Variants in VPS13D observed in about 807,000 individuals in gnomAD.
VPS13D encodes the protein intermembrane lipid transfer protein VPS13D.
Under a neutral mutation model 461.9 loss-of-function variants are expected in VPS13D, and 187 were observed. The observed-to-expected ratio is 0.40, with a 90% CI of 0.36 to 0.46. The LOEUF (loss-of-function observed/expected upper bound fraction) is 0.46. Ranked by LOEUF, VPS13D falls within the 20% of genes least tolerant of loss-of-function variation. The pLI, the probability that VPS13D is intolerant of heterozygous loss-of-function variation, is 0.60. For synonymous variants in VPS13D, 1,951 were observed against 1,986.3 expected, an observed-to-expected ratio of 0.98 and a Z score of 0.47; for missense variants, 4,711 against 5,364.9, an observed-to-expected ratio of 0.88 and a Z score of 3.81.
rs1416523906 is a variant in VPS13D, at chr1:12,345,529, T to G, written c.9021+20T>G. On this transcript the variant is annotated intron_variant, in intron 43 of 69. Coordinates refer to ENST00000620676, the MANE Select transcript of VPS13D (RefSeq NM_015378.4). The stretch of plus-strand genomic sequence containing the variant: ...TCTACGGTGTGTGACATTCAGGAAG[T>G]CAGATGGTTAAGCGACTGTCAGGAA... 3 of 1,599,040 alleles carry G rather than the reference T, an allele frequency of 1.9e-6. No homozygotes were observed. In the African/African-American group the frequency reaches 4.0e-5, roughly 21 times the overall value.
At chr1:12,294,704 C>T (rs976450978) in intron 24 of VPS13D, among the ~76,000 whole-genome samples, 4 of 151,928 alleles carry the variant, frequency 2.6e-5, no homozygotes, top group African/African-American at 7.3e-5. Flanking sequence ...CCCAGCTATT[C>T]GGGAGGCTAA....
At chr1:12,466,939 C>G (rs1159896878) in intron 67 of VPS13D, among the ~76,000 whole-genome samples, 1 of 152,288 alleles carries the variant, frequency 6.6e-6, no homozygotes, top group East Asian at 1.9e-4. Flanking sequence ...GTGACAGTCC[C>G]TTTATCTTCT....
chr1:12,455,975 CT>C, intron 65 of VPS13D, 22 bp from the exon 66 acceptor site: 2 of 1,584,030 alleles, frequency 1.3e-6, no homozygotes, highest in South Asian at 2.3e-5. Flanking sequence ...TAAAACTCTT[CT>C]CCTGCTTTTA....
At chr1:12,410,655 T>TA (rs1304590565) in intron 63 of VPS13D, among the ~76,000 whole-genome samples, 15 of 151,980 alleles carry the variant, frequency 9.9e-5, no homozygotes, top group African/African-American at 3.4e-4. Context: ...ATAATTTTTT[T>TA]AAAAAAATTA....
chr1:12,304,483 A>G (rs1360545225), intron 25 of VPS13D, 23 bp from the exon 26 acceptor site: 2 of 1,594,682 alleles, frequency 1.3e-6, no homozygotes, highest in Non-Finnish European at 8.6e-7. Flanking sequence ...CCTGCATTCT[A>G]GTTTTATTTT....
intron 65 of VPS13D, among the ~76,000 whole-genome samples, chr1:12,418,240 A>G (rs1002380267): frequency 1.3e-5 from 2 of 152,198 alleles, no homozygotes; most frequent in Non-Finnish European, 2.9e-5. Flanking sequence ...TTTCCCACTC[A>G]TGGTTTGAAA....
At chr1:12,484,367 A>G (rs1023810848) in intron 67 of VPS13D, among the ~76,000 whole-genome samples, 1 of 151,998 alleles carries the variant, frequency 6.6e-6, no homozygotes. Flanking sequence ...TATCCTCCCA[A>G]TTGGATTGTG....
chr1:12,247,474 G>A (rs1306724751), intron 5 of VPS13D, among the ~76,000 whole-genome samples: 1 of 147,974 alleles, frequency 6.8e-6, no homozygotes, highest in Non-Finnish European at 1.5e-5. Context: ...CACCATTCAG[G>A]ACAGAAAGAA....
intron 52 of VPS13D, 71 bp downstream of exon 52, chr1:12,363,318 C>A (rs1643978598): frequency 2.0e-6 from 3 of 1,503,412 alleles, no homozygotes; most frequent in Non-Finnish European, 2.7e-6. Context: ...AATAACAAGC[C>A]TTGTGTAAAA....
At chr1:12,262,459 G>T (rs1348353898) in intron 13 of VPS13D, among the ~76,000 whole-genome samples, 1 of 152,112 alleles carries the variant, frequency 6.6e-6, no homozygotes, top group Non-Finnish European at 1.5e-5. Flanking sequence ...TCTTTTCCTG[G>T]GCTAGAGATA....
intron 63 of VPS13D, among the ~76,000 whole-genome samples, chr1:12,404,973 T>C (rs1644631861): frequency 6.6e-6 from 1 of 152,232 alleles, no homozygotes; most frequent in African/African-American, 2.4e-5. Context: ...CTCTTCTCAC[T>C]GCCCCATGCT....
At chr1:12,474,961 T>G (rs941037886) in intron 67 of VPS13D, among the ~76,000 whole-genome samples, 1 of 152,200 alleles carries the variant, frequency 6.6e-6, no homozygotes, top group Non-Finnish European at 1.5e-5. Context: ...ATTTTTTTTT[T>G]TTAAGTTTTA....
rs575706541 is a variant in VPS13D, at chr1:12,428,675, A to G, written c.12333+11848A>G. 1.2e-4 allele frequency among the ~76,000 whole-genome samples: 19 copies of G among 152,238 alleles called. 1 individual carries two copies. In the South Asian group the frequency reaches 3.5e-3, roughly 28 times the overall value. The stretch of plus-strand genomic sequence containing the variant: ...CATGTTAAGAATGTGATCTCTCCCC[A>G]CTGTGAGTTCCCATGGCCCCGTGTG... On this transcript the variant is annotated intron_variant, in intron 65 of 69. Coordinates refer to ENST00000620676, the MANE Select transcript of VPS13D (RefSeq NM_015378.4).
chr1:12,495,961 C>T lies in VPS13D; in HGVS notation c.12663-1539C>T, dbSNP rs189694539. 2.0e-5 allele frequency among the ~76,000 whole-genome samples: 3 copies of T among 152,200 alleles called. No homozygotes were observed. Among genetic ancestry groups the T allele is most frequent in the East Asian group, 1.9e-4 (1 of 5,192 alleles). Reference sequence around the variant, plus strand: ...TTACCAGCATCCTCTCGGCAGCAGTCGTCCAGCTTCTCTCCTGATGGGTTA... The same window carrying T: ...TTACCAGCATCCTCTCGGCAGCAGTTGTCCAGCTTCTCTCCTGATGGGTTA... On this transcript the variant is annotated intron_variant, in intron 67 of 69. Coordinates refer to ENST00000620676, the MANE Select transcript of VPS13D (RefSeq NM_015378.4). The surrounding 1 kb of genome is among the most constrained non-coding windows in gnomAD (Gnocchi z 4.0).
chr1:12,347,103 A>T (rs1294459145), intron 44 of VPS13D, among the ~76,000 whole-genome samples: 2 of 152,182 alleles, frequency 1.3e-5, no homozygotes, highest in Non-Finnish European at 2.9e-5. Context: ...CTTCTCCCTG[A>T]TGATTGTAGG....
intron 65 of VPS13D, among the ~76,000 whole-genome samples, chr1:12,418,905 C>T (rs1644828396): frequency 6.6e-6 from 1 of 152,190 alleles, no homozygotes; most frequent in African/African-American, 2.4e-5. Context: ...AGAAGCTGTT[C>T]AAGTGCCTGT....
intron 13 of VPS13D, among the ~76,000 whole-genome samples, chr1:12,264,707 A>G (rs1439383029): frequency 6.6e-6 from 1 of 152,272 alleles, no homozygotes; most frequent in African/African-American, 2.4e-5. Flanking sequence ...AGCCATCTCC[A>G]TAACATAAAA....
At chr1:12,368,775 A>C (rs1644074323) in intron 53 of VPS13D, among the ~76,000 whole-genome samples, 184 bp downstream of exon 53, 1 of 152,196 alleles carries the variant, frequency 6.6e-6, no homozygotes, top group Admixed American at 6.5e-5. Flanking sequence ...TCTGCTGGTT[A>C]TTTTGATTGC....
At chr1:12,318,848 T>C (rs958147487) in intron 31 of VPS13D, among the ~76,000 whole-genome samples, 8 of 152,232 alleles carry the variant, frequency 5.3e-5, no homozygotes, top group Non-Finnish European at 1.0e-4. Context: ...GTGTATTTAT[T>C]GTTATGTTTC....
Sources: allele counts gnomAD v4.1 joint callset (sites outside exome capture counted in the v4.1 genomes callset), GRCh38; gene constraint gnomAD v4.1.1; non-coding constraint Gnocchi (gnomAD v3.1); transcripts MANE v1.5; gene names NCBI Gene and HGNC (gene_info 2026-07-23, HGNC 2026-07-21).